Variants in IGSF10 observed in about 807,000 individuals in gnomAD.
IGSF10 encodes the protein calvaria mechanical force protein 608.
In IGSF10, 126 loss-of-function variants were observed where a neutral mutation model predicts 128.2. The observed-to-expected ratio is 0.98, with a 90% CI of 0.85 to 1.14. The LOEUF (loss-of-function observed/expected upper bound fraction) is 1.14. Among genes scored for constraint, IGSF10 ranks in the 50% most tolerant of loss-of-function variants. The pLI, the probability that IGSF10 is intolerant of heterozygous loss-of-function variation, is 0.00. For synonymous variants in IGSF10, 1,185 were observed against 1,146.2 expected (o/e 1.03, Z -0.68); for missense variants, 3,295 against 3,149.8 (o/e 1.05, Z -1.10).
At chr3:151,581,295 T>C in the IGSF10 span, among the ~76,000 whole-genome samples, 1 of 152,206 alleles carries the variant, frequency 6.6e-6, no homozygotes, top group East Asian at 1.9e-4. Context: ...TCAGCAGTTC[T>C]CACACTTTCT....
chr3:151,494,023 A>G, the IGSF10 span, among the ~76,000 whole-genome samples: 3 of 152,228 alleles, frequency 2.0e-5, no homozygotes, highest in South Asian at 6.2e-4. Context: ...AAAAATTTAT[A>G]TTGTAGTTCT....
chr3:151,523,874 T>C, the IGSF10 span, among the ~76,000 whole-genome samples: 2 of 152,062 alleles, frequency 1.3e-5, no homozygotes, highest in African/African-American at 4.8e-5. Context: ...ACAGACAACC[T>C]ACAGAAGGGG....
upstream of IGSF10, among the ~76,000 whole-genome samples, chr3:151,463,557 TTTTTC>T (rs1409366614): frequency 5.5e-4 from 62 of 112,712 alleles, 4 homozygotes; most frequent in African/African-American, 2.2e-3. Flanking sequence ...TTTTTTTTTT[TTTTTC>T]TGAGACGGAG....
At chr3:151,547,677 G>A in the IGSF10 span, among the ~76,000 whole-genome samples, 5 of 152,100 alleles carry the variant, frequency 3.3e-5, no homozygotes, top group African/African-American at 9.7e-5. Flanking sequence ...CTAGAGCCCA[G>A]ATATTCTTCT....
the IGSF10 span, among the ~76,000 whole-genome samples, chr3:151,556,756 A>C: frequency 1.3e-5 from 2 of 152,092 alleles, no homozygotes; most frequent in Non-Finnish European, 2.9e-5. Context: ...AGATGTAGAG[A>C]AGCTTGATTG....
chr3:151,444,300 ATTATT>A (rs756059603), intron 6 of IGSF10, among the ~76,000 whole-genome samples: 1 of 151,744 alleles, frequency 6.6e-6, no homozygotes, highest in Non-Finnish European at 1.5e-5. Context: ...TTATTCCTGG[ATTATT>A]TTATTTAATT....
At chr3:151,444,609 C>T (rs1474379382) in intron 6 of IGSF10, among the ~76,000 whole-genome samples, 1 of 152,116 alleles carries the variant, frequency 6.6e-6, no homozygotes, top group Non-Finnish European at 1.5e-5. Context: ...CTGTGCTCAG[C>T]CTGGATTTTT....
In IGSF10 at chr3:151,446,971, T is replaced by C. The variant is rs1471841140; in HGVS notation, c.3010A>G (p.Ile1004Val). ...FPIPRNSTVN[I>V]PLFRRFGRQR... ...CTCCCAAAGCGTCTGAACAGCGGGA[T>C]GTTAACTGTACTATTTCTAGGGATC... The change falls in exon 6 of 8, where the codon ATC becomes GTC. Residue 1004 changes from isoleucine to valine, a missense_variant. By Grantham distance (29) the Ile-to-Val change is conservative. Transcript: ENST00000282466. 5 of 1,614,202 alleles carry C rather than the reference T, an allele frequency of 3.1e-6. No homozygotes were observed. In the South Asian group the frequency reaches 4.4e-5, roughly 14 times the overall value.
the IGSF10 span, among the ~76,000 whole-genome samples, chr3:151,537,568 G>T: frequency 1.3e-5 from 2 of 152,010 alleles, no homozygotes; most frequent in Non-Finnish European, 2.9e-5. Flanking sequence ...CTAATTAACC[G>T]AAATAGGGTT....
chr3:151,559,052 C>A, the IGSF10 span, among the ~76,000 whole-genome samples: 1 of 152,110 alleles, frequency 6.6e-6, no homozygotes, highest in African/African-American at 2.4e-5. Flanking sequence ...TGCATTTACA[C>A]TGAGGAAAAT....
chr3:151,471,846 T>C, the IGSF10 span, among the ~76,000 whole-genome samples: 1 of 152,206 alleles, frequency 6.6e-6, no homozygotes, highest in Non-Finnish European at 1.5e-5. Flanking sequence ...AGATATGCAA[T>C]CTGAATGAAC....
Position 151,458,617 on chromosome 3 carries a change from G to A in IGSF10, c.93C>T (p.Arg31=), listed in dbSNP as rs1721915645. The A allele has an allele frequency of 6.2e-7, 1 of 1,614,048 alleles. No homozygotes were observed. Among genetic ancestry groups the A allele is most frequent in the Admixed American group, 1.7e-5 (1 of 60,008 alleles). ...CCGTAGGCATATAACAGGCACAGCG[G>A]CGAGGACAGGCCTTGCCCCCAGGGG... The part of the protein sequence containing the change: ...VATPGGKACP[R]RCACYMPTEV... The change falls in exon 3 of 8, where the codon CGC becomes CGT. Residue 31 remains arginine, a synonymous_variant. Transcript: ENST00000282466.
chr3:151,519,164 A>G, the IGSF10 span, among the ~76,000 whole-genome samples: 10 of 152,050 alleles, frequency 6.6e-5, no homozygotes, highest in South Asian at 1.9e-3. Context: ...TCTCAGTGAC[A>G]TGAAGCAATT....
chr3:151,497,045 G>A, the IGSF10 span, among the ~76,000 whole-genome samples: 2 of 151,906 alleles, frequency 1.3e-5, no homozygotes, highest in Non-Finnish European at 2.9e-5. Flanking sequence ...TTGTAAATTT[G>A]TTTGAGTTCA....
At chr3:151,543,280 G>A in the IGSF10 span, among the ~76,000 whole-genome samples, 1 of 152,138 alleles carries the variant, frequency 6.6e-6, no homozygotes, top group South Asian at 2.1e-4. Flanking sequence ...CACTCAGGGG[G>A]CCATAGGCAG....
rs777616879 is a variant in IGSF10, at chr3:151,446,467, T to C, written c.3514A>G (p.Lys1172Glu). ...YPRVSSTNEAKRDSVITSSLS... is the reference protein window; with the variant it reads ...YPRVSSTNEAERDSVITSSLS... ...GACGATGTAATCACTGAATCTCTTTTAGCTTCATTGGTGCTAGACACACGT... is the reference window on the plus strand; with the variant it reads ...GACGATGTAATCACTGAATCTCTTTCAGCTTCATTGGTGCTAGACACACGT... Residue 1172 changes from lysine to glutamate, a missense_variant, in exon 6 of 8, where the codon AAA (lysine) becomes GAA (glutamate). Lys to Glu is a moderately conservative substitution (Grantham distance 56, BLOSUM62 1). Coordinates refer to ENST00000282466, the MANE Select transcript of IGSF10 (RefSeq NM_178822.5). 1 of 1,614,194 alleles carries C rather than the reference T, an allele frequency of 6.2e-7. No homozygotes were observed. The highest frequency in any genetic ancestry group is 8.5e-7 in the Non-Finnish European group (1 of 1,180,002).
rs780741423 is a variant in IGSF10 at position 151,438,561 on chromosome 3, G to A, written c.6000C>T (p.Ser2000=). The A allele has an allele frequency of 1.8e-5, 29 of 1,613,578 alleles. No homozygotes were observed. The South Asian group carries it at 3.1e-4, about 17-fold the overall frequency. Reference sequence around the variant, plus strand: ...TTTCTGTTACTGATCCAATAAACAGGGATCCATTAGGGTAGACGTGGATCC... The same window carrying A: ...TTTCTGTTACTGATCCAATAAACAGAGATCCATTAGGGTAGACGTGGATCC... ...GSWIHVYPNG[S]LFIGSVTEKD... Residue 2000 remains serine, a synonymous_variant, in exon 8 of 8, where the codon TCC becomes TCT. Coordinates refer to ENST00000282466, the MANE Select transcript of IGSF10 (RefSeq NM_178822.5).
chr3:151,483,336 GAC>G, the IGSF10 span, among the ~76,000 whole-genome samples: 1 of 152,160 alleles, frequency 6.6e-6, no homozygotes, highest in Non-Finnish European at 1.5e-5. Context: ...TTCATTATGT[GAC>G]AGAGTTATTT....
Position 151,445,232 on chromosome 3 carries a change from A to T in IGSF10, c.4749T>A (p.Ile1583=), listed in dbSNP as rs1227299307. ...CTTCTGGCTTTTTGCCTTTTTCAGC[A>T]ATTTCTGAGTATGGTTTGTGCCAAA... is the stretch of plus-strand genomic sequence containing the variant. ...NQFWHKPYSE[I]AEKGKKPEVS... The change falls in exon 6 of 8, where the codon ATT becomes ATA. Residue 1583 remains isoleucine (I), a synonymous_variant. Coordinates refer to ENST00000282466, the MANE Select transcript of IGSF10 (RefSeq NM_178822.5). The T allele has an allele frequency of 6.2e-7, 1 of 1,614,094 alleles. No individual in the cohort carries two copies. Among genetic ancestry groups the T allele is most frequent in the Non-Finnish European group, 8.5e-7 (1 of 1,180,046 alleles).
Sources: allele counts gnomAD v4.1 joint callset (sites outside exome capture counted in the v4.1 genomes callset), GRCh38; gene constraint gnomAD v4.1.1; transcripts MANE v1.5; gene names NCBI Gene and HGNC (gene_info 2026-07-23, HGNC 2026-07-21).